The following HFM1 variants were observed in gnomAD, a reference collection of about 807,000 sequenced individuals.
HFM1 encodes the protein probable ATP-dependent DNA helicase HFM1.
Under a neutral mutation model 192.1 loss-of-function variants are expected in HFM1, and 169 were observed. The ratio of observed to expected loss-of-function variants is 0.88; its 90% confidence interval spans 0.78 to 1.00. HFM1 has a LOEUF of 1.00. Ranked by LOEUF, HFM1 falls within the 50% of genes least tolerant of loss-of-function variation. The probability of loss-of-function intolerance (pLI) is 0.00; values close to 1 mark genes in which losing one functional copy is unlikely to be tolerated. For missense variants in HFM1, 1,661 were observed against 1,668.0 expected, an observed-to-expected ratio of 1.00 and a Z score of 0.07; for synonymous variants, 525 against 537.8, an observed-to-expected ratio of 0.98 and a Z score of 0.33.
intron 13 of HFM1, among the ~76,000 whole-genome samples, chr1:91,373,329 G>A (rs950632689): frequency 6.6e-6 from 1 of 151,996 alleles, no homozygotes; most frequent in Non-Finnish European, 1.5e-5. Flanking sequence ...GAAAAAATAA[G>A]TATCTGCTCA....
Position 91,267,828 on chromosome 1 carries a change from C to G in HFM1, c.3800G>C (p.Gly1267Ala). The change falls in exon 35 of 39, where the codon GGA (glycine) becomes GCA (alanine). Residue 1267 changes from glycine to alanine, a missense_variant. Coordinates refer to ENST00000370425, the MANE Select transcript of HFM1 (RefSeq NM_001017975.6). ...ATCAAAATCATCCCAAACTTCATTT[C>G]CCAATTCAAAGTTCACATTCAAAAC... ...KEVLNVNFEL[G>A]NEVWDDFDDE... The G allele has an allele frequency of 1.3e-6, 2 of 1,580,546 alleles. No homozygotes were observed. The highest frequency in any genetic ancestry group is 1.7e-6 in the Non-Finnish European group (2 of 1,167,044).
chr1:91,271,574 T>C (rs185444049), intron 34 of HFM1, among the ~76,000 whole-genome samples: 32 of 152,062 alleles, frequency 2.1e-4, no homozygotes, highest in African/African-American at 7.2e-4. Flanking sequence ...AAAGAGGAGA[T>C]GGATAATGAT....
chr1:91,297,760 G>A (rs534826523), intron 30 of HFM1, among the ~76,000 whole-genome samples: 1 of 152,256 alleles, frequency 6.6e-6, no homozygotes, highest in South Asian at 2.1e-4. Flanking sequence ...CTAACAAACA[G>A]AAAGGACATC....
intron 20 of HFM1, among the ~76,000 whole-genome samples, chr1:91,336,660 G>A (rs542844165): frequency 1.0e-3 from 154 of 152,302 alleles, no homozygotes; most frequent in Non-Finnish European, 1.8e-3. Flanking sequence ...AACCACTGCG[G>A]AAGACAGTGT....
At chr1:91,292,784 A>G (rs1431682470) in intron 30 of HFM1, among the ~76,000 whole-genome samples, 1 of 152,262 alleles carries the variant, frequency 6.6e-6, no homozygotes, top group African/African-American at 2.4e-5. Flanking sequence ...GAGGCATCAC[A>G]CTACCTGACT....
intron 13 of HFM1, among the ~76,000 whole-genome samples, chr1:91,358,785 TC>T (rs1658082927): frequency 1.3e-5 from 2 of 151,644 alleles, no homozygotes; most frequent in South Asian, 2.1e-4. Context: ...TTTGGGGGGG[TC>T]CCTGATCCTG....
chr1:91,299,516 T>G (rs1070743), intron 30 of HFM1, among the ~76,000 whole-genome samples: 1 of 151,958 alleles, frequency 6.6e-6, no homozygotes, highest in African/African-American at 2.4e-5. Context: ...TATTCCAAAA[T>G]TGACCACATA....
In HFM1 at chr1:91,394,056, T is replaced by C. The variant is rs1663328928; in HGVS notation, c.494+37A>G. ...TTATATGTACAAATATTCAACTTTATTCACAGAATATTATTTAGTTTAATT... is the reference window on the plus strand; with the variant it reads ...TTATATGTACAAATATTCAACTTTACTCACAGAATATTATTTAGTTTAATT... On this transcript the variant is annotated intron_variant, in intron 4 of 38. Transcript: ENST00000370425. 4.3e-6 allele frequency: 5 copies of C among 1,156,364 alleles called. No homozygotes were observed. The East Asian group carries it at 1.3e-4, about 30-fold the overall frequency. 71.6% of individuals were successfully genotyped at this position (1,156,364 alleles called of 1,614,324 possible).
In HFM1 at chr1:91,261,237, T is replaced by C; in HGVS notation, c.*53A>G. The C allele has an allele frequency of 1.4e-6, 1 of 724,110 alleles. No individual in the cohort carries two copies. Among genetic ancestry groups the C allele is most frequent in the Non-Finnish European group, 2.0e-6 (1 of 490,752 alleles). 44.9% of individuals were successfully genotyped at this position (724,110 alleles called of 1,614,324 possible). A position where few individuals can be genotyped will look rare whatever the true frequency, so the allele number is the denominator to read the frequency against. On this transcript the variant is annotated 3_prime_UTR_variant, in exon 39 of 39. Transcript: ENST00000370425. ...TTTTAAAAATAAAAAGCATGCTTTG[T>C]GATTAGGTGTCTTTATTCTTTCTCT... is the stretch of plus-strand genomic sequence containing the variant.
At chr1:91,262,088 CTTAGCTCACTGAGG>C in intron 38 of HFM1, 139 bp downstream of exon 38, 1 of 430,862 alleles carries the variant, frequency 2.3e-6, no homozygotes, top group Non-Finnish European at 4.2e-6. Flanking sequence ...TCTTAAAGAG[CTTAGCTCACTGAGG>C]TTTGAAAATT....
chr1:91,328,786 G>A, intron 20 of HFM1: 1 of 1,611,068 alleles, frequency 6.2e-7, no homozygotes. Context: ...AGGTCACTAA[G>A]CAGCACAACG....
At chr1:91,326,857 A>G (rs1003634881) in intron 20 of HFM1, among the ~76,000 whole-genome samples, 28 of 152,340 alleles carry the variant, frequency 1.8e-4, no homozygotes, top group African/African-American at 6.7e-4. Context: ...AAAAGGTAAA[A>G]AGCATGGGGA....
intron 30 of HFM1, among the ~76,000 whole-genome samples, chr1:91,299,086 G>T (rs1261010800): frequency 6.6e-6 from 1 of 152,136 alleles, no homozygotes; most frequent in Admixed American, 6.5e-5. Flanking sequence ...ATAAAGGGAT[G>T]GAGGAAGATC....
chr1:91,370,029 A>G (rs1353122617), intron 13 of HFM1, among the ~76,000 whole-genome samples: 1 of 150,284 alleles, frequency 6.7e-6, no homozygotes, highest in Admixed American at 6.6e-5. Flanking sequence ...CACCCTCCCA[A>G]GACTAACCCA....
chr1:91,386,091 C>A (rs1253805802), intron 4 of HFM1, among the ~76,000 whole-genome samples: 3 of 152,186 alleles, frequency 2.0e-5, no homozygotes, highest in Admixed American at 2.0e-4. Flanking sequence ...CTGCTCCTCA[C>A]CCCTTTACAG....
At chr1:91,324,121 C>T (rs1205629051) in intron 21 of HFM1, among the ~76,000 whole-genome samples, 2 of 152,148 alleles carry the variant, frequency 1.3e-5, no homozygotes, top group African/African-American at 2.4e-5. Context: ...TGCAAAGTTG[C>T]CCCATTGTTG....
chr1:91,326,995 G>T (rs1653015151), intron 20 of HFM1, among the ~76,000 whole-genome samples: 1 of 152,090 alleles, frequency 6.6e-6, no homozygotes, highest in African/African-American at 2.4e-5. Flanking sequence ...AAACCCCATG[G>T]TAACCTCAAA....
At chr1:91,371,619 G>C (rs1307457543) in intron 13 of HFM1, among the ~76,000 whole-genome samples, 2 of 133,834 alleles carry the variant, frequency 1.5e-5, no homozygotes, top group Non-Finnish European at 3.1e-5. Flanking sequence ...TTAAATGTTA[G>C]ACCTAAAACC....
chr1:91,372,284 T>C (rs1483415639), intron 13 of HFM1, among the ~76,000 whole-genome samples: 3 of 150,522 alleles, frequency 2.0e-5, no homozygotes, highest in Non-Finnish European at 3.0e-5. Flanking sequence ...AAGGCACATG[T>C]GCACGTGTGT....
Sources: allele counts gnomAD v4.1 joint callset (sites outside exome capture counted in the v4.1 genomes callset), GRCh38; gene constraint gnomAD v4.1.1; transcripts MANE v1.5; gene names NCBI Gene and HGNC (gene_info 2026-07-23, HGNC 2026-07-21).